Variants in DOCK5 observed in about 807,000 individuals in gnomAD.
The protein encoded by DOCK5 is dedicator of cytokinesis protein 5.
A neutral mutation model predicts 251.8 loss-of-function variants in DOCK5; 142 were observed. The observed-to-expected ratio is 0.56, with a 90% CI of 0.49 to 0.65. The LOEUF is 0.65. DOCK5 is among the 30% of genes least tolerant of loss of function. The pLI is 0.00. For missense variants in DOCK5, 2,111 were observed against 2,312.3 expected (o/e 0.91, Z 1.79); for synonymous variants, 842 against 835.5 (o/e 1.01, Z -0.13).
In DOCK5 at chr8:25,351,615, G is replaced by A. The variant is rs977650336; in HGVS notation, c.2755-116G>A. The A allele has an allele frequency of 4.4e-6, 3 of 683,260 alleles. No homozygotes were observed. In the African/African-American group the frequency reaches 5.4e-5, roughly 12 times the overall value. 42.3% of individuals were successfully genotyped at this position (683,260 alleles called of 1,614,324 possible). ...ATTTTCCACTTTTGGACAAGAGATT[G>A]CTTTGTAGGGAAAAGCCAAAAAGAG... On this transcript the variant is annotated intron_variant, in intron 26 of 51. Coordinates refer to ENST00000276440, the MANE Select transcript of DOCK5 (RefSeq NM_024940.8).
At chr8:25,197,906 A>G (rs1194250142) in intron 1 of DOCK5, among the ~76,000 whole-genome samples, 1 of 151,908 alleles carries the variant, frequency 6.6e-6, no homozygotes, top group African/African-American at 2.4e-5. Context: ...GCCCACCACC[A>G]TGCCCGGCTA....
rs1298280452 is a variant in DOCK5, at chr8:25,412,672, C to G, written c.*1374C>G. 1 of 152,246 alleles carries G rather than the reference C, an allele frequency of 6.6e-6. No homozygotes were observed. Among genetic ancestry groups the G allele is most frequent in the Non-Finnish European group, 1.5e-5 (1 of 68,064 alleles). 9.4% of individuals were successfully genotyped at this position (152,246 alleles called of 1,614,324 possible). ...TTGACTGTGAAGGCAGAGGTCAGCA[C>G]TGGGGGAAACTTGCTGGTGGTCTCT... On this transcript the variant is annotated 3_prime_UTR_variant, in exon 52 of 52. Transcript: ENST00000276440.
chr8:25,254,773 C>CAAA (rs745860086), intron 2 of DOCK5, among the ~76,000 whole-genome samples: 695 of 6,532 alleles, frequency 0.11, 291 homozygotes, highest in East Asian at 0.16. Flanking sequence ...GACTTTGTCT[C>CAAA]AAAAAAAAAC....
At position 25,254,775 on chromosome 8, in the gene DOCK5, AAAAAAAACAAAACAAAAC is replaced by A. The variant is rs1278417874; in HGVS notation, c.127+11026_127+11043del. ...GGCGACAAAGCAAGACTTTGTCTCA[AAAAAAAACAAAACAAAAC>A]AAAAAAAAAAAACATTTGATAAAGG... On this transcript the variant is annotated intron_variant, in intron 2 of 51. Transcript: ENST00000276440. Among the ~76,000 whole-genome samples, 11 of 122,708 alleles carry A rather than the reference AAAAAAAACAAAACAAAAC, an allele frequency of 9.0e-5. 4 individuals are homozygous for A. Among genetic ancestry groups the A allele is most frequent in the East Asian group, 4.7e-4 (2 of 4,280 alleles). 80.5% of individuals were successfully genotyped at this position (122,708 alleles called of 152,430 possible).
chr8:25,220,051 T>C lies in DOCK5; in HGVS notation c.44-23623T>C, dbSNP rs192000897. ...TGTCCTTCTCTTTGTTTCACAGACA[T>C]GATATTTCATCTTCTCTGCAGGTAT... On this transcript the variant is annotated intron_variant, in intron 1 of 51. Coordinates refer to ENST00000276440, the MANE Select transcript of DOCK5 (RefSeq NM_024940.8). Among the ~76,000 whole-genome samples, 315 of 152,094 alleles carry C rather than the reference T, an allele frequency of 2.1e-3. 2 individuals are homozygous for C. Among genetic ancestry groups the C allele is most frequent in the African/African-American group, 7.2e-3 (300 of 41,514 alleles).
chr8:25,189,334 CA>C (rs1275522145), intron 1 of DOCK5, among the ~76,000 whole-genome samples: 26 of 151,964 alleles, frequency 1.7e-4, no homozygotes, highest in Admixed American at 1.7e-3. Context: ...GCTAGGATTA[CA>C]GGGGTGAGCC....
At chr8:25,208,532 C>T (rs944993944) in intron 1 of DOCK5, among the ~76,000 whole-genome samples, 2 of 152,212 alleles carry the variant, frequency 1.3e-5, no homozygotes, top group Non-Finnish European at 2.9e-5. Flanking sequence ...AAGCAAGACC[C>T]TTCACCAGCC....
chr8:25,308,717 T>G, intron 11 of DOCK5, 66 bp from the exon 12 acceptor site: 3 of 1,567,512 alleles, frequency 1.9e-6, no homozygotes, highest in Non-Finnish European at 2.6e-6. Flanking sequence ...CACCATTATC[T>G]GAGGTTGTGC....
At chr8:25,339,695 C>T (rs1185296652) in intron 22 of DOCK5, among the ~76,000 whole-genome samples, 6 of 152,186 alleles carry the variant, frequency 3.9e-5, no homozygotes, top group Non-Finnish European at 8.8e-5. Context: ...GTAACGAGAA[C>T]CCAGTGTCGG....
At chr8:25,302,492 A>C in intron 10 of DOCK5, 38 bp downstream of exon 10, 2 of 1,479,006 alleles carry the variant, frequency 1.4e-6, no homozygotes, top group Non-Finnish European at 1.8e-6. Context: ...GAAATAGTGC[A>C]GTGCTGTGGA....
Position 25,184,890 on chromosome 8 carries a change from G to C in DOCK5, c.-19G>C, listed in dbSNP as rs377123385. 53 of 1,387,960 alleles carry C rather than the reference G, an allele frequency of 3.8e-5. No homozygotes were observed. The East Asian group carries it at 1.3e-3, about 33-fold the overall frequency. 86.0% of individuals were successfully genotyped at this position (1,387,960 alleles called of 1,614,324 possible). A position where few individuals can be genotyped will look rare whatever the true frequency, so the allele number is the denominator to read the frequency against. ...TGTAGCAGCCTTAGTCGCCGCCGCC[G>C]CGGGGCGAGGTCGCCGCCATGGCCC... On this transcript the variant is annotated 5_prime_UTR_variant, in exon 1 of 52. Coordinates refer to ENST00000276440, the MANE Select transcript of DOCK5 (RefSeq NM_024940.8).
chr8:25,390,743 G>A lies in DOCK5; in HGVS notation c.4355+456G>A, dbSNP rs189783321. 2.0e-4 allele frequency among the ~76,000 whole-genome samples: 30 copies of A among 152,246 alleles called. No homozygotes were observed. In the East Asian group the frequency reaches 4.6e-3, roughly 24 times the overall value. Reference sequence around the variant, plus strand: ...TGTCTTGAAAAGCTGAATGCTAACAGTATTGAAAGAACTGTTATAAAACTA... The same window carrying A: ...TGTCTTGAAAAGCTGAATGCTAACAATATTGAAAGAACTGTTATAAAACTA... On this transcript the variant is annotated intron_variant, in intron 42 of 51. Coordinates refer to ENST00000276440, the MANE Select transcript of DOCK5 (RefSeq NM_024940.8).
At chr8:25,347,703 A>G (rs1800394185) in intron 26 of DOCK5, among the ~76,000 whole-genome samples, 1 of 152,216 alleles carries the variant, frequency 6.6e-6, no homozygotes, top group South Asian at 2.1e-4. Context: ...TGTAAAACAC[A>G]AGAATCAGAG....
At chr8:25,274,927 A>T (rs1804005082) in intron 3 of DOCK5, among the ~76,000 whole-genome samples, 1 of 152,082 alleles carries the variant, frequency 6.6e-6, no homozygotes, top group South Asian at 2.1e-4. Flanking sequence ...ATTTGGGTAT[A>T]TGCTTTGTGG....
chr8:25,300,735 T>C (rs1435535790), intron 9 of DOCK5, 78 bp downstream of exon 9: 8 of 1,395,526 alleles, frequency 5.7e-6, no homozygotes, highest in Non-Finnish European at 6.8e-6. Flanking sequence ...GTGGAAAACA[T>C]ACAAAATGAA....
At chr8:25,318,541 C>T (rs1426100290) in intron 14 of DOCK5, among the ~76,000 whole-genome samples, 14 of 138,088 alleles carry the variant, frequency 1.0e-4, no homozygotes, top group Non-Finnish European at 1.7e-4. Context: ...CCTCCCCTTC[C>T]CCCTCCACTT....
At chr8:25,313,806 G>A (rs984006316) in intron 13 of DOCK5, among the ~76,000 whole-genome samples, 4 of 152,142 alleles carry the variant, frequency 2.6e-5, no homozygotes, top group Admixed American at 6.5e-5. Flanking sequence ...AGTCATATTG[G>A]ATTAGGGCCC....
chr8:25,217,098 A>G (rs1802267520), intron 1 of DOCK5, among the ~76,000 whole-genome samples: 1 of 148,876 alleles, frequency 6.7e-6, no homozygotes, highest in Non-Finnish European at 1.5e-5. Context: ...GTGTATATAT[A>G]CACATATATA....
chr8:25,223,156 T>TA (rs895255193), intron 1 of DOCK5, among the ~76,000 whole-genome samples: 2 of 152,102 alleles, frequency 1.3e-5, no homozygotes, highest in African/African-American at 2.4e-5. Flanking sequence ...TGAAGGTTTT[T>TA]AAAAAAAATT....
Sources: gnomAD v4.1 joint callset for allele counts (sites outside exome capture counted in the v4.1 genomes callset) on GRCh38, gnomAD v4.1.1 for gene constraint, MANE v1.5 for transcripts, NCBI Gene and HGNC (gene_info 2026-07-23, HGNC 2026-07-21) for gene names.